The following TPRG1 variants were observed in gnomAD, a reference collection of about 807,000 sequenced individuals.
The protein encoded by TPRG1 is tumor protein p63 regulated 1.
In TPRG1, 29 loss-of-function variants were observed where a neutral mutation model predicts 29.3. The observed-to-expected ratio is 0.99, with a 90% confidence interval of 0.74 to 1.35. The LOEUF (loss-of-function observed/expected upper bound fraction) is 1.35. Ranked by LOEUF, TPRG1 falls within the 40% of genes most tolerant of loss-of-function variation. TPRG1 has a pLI of 0.00. For missense variants in TPRG1, 327 were observed against 335.0 expected, an observed-to-expected ratio of 0.98 and a Z score of 0.19; for synonymous variants, 130 against 116.8, an observed-to-expected ratio of 1.11 and a Z score of -0.73.
rs570181032 is a variant in TPRG1, at chr3:189,322,250, G to C, written c.*1430G>C. On this transcript the variant is annotated 3_prime_UTR_variant, in exon 6 of 6. Coordinates refer to ENST00000345063, the MANE Select transcript of TPRG1 (RefSeq NM_198485.4). ...AAGTTTAAAGTCTTTTCTTTGAAAA[G>C]CTTGCTTCCTCAATTTCAAAGATTT... The C allele has an allele frequency of 1.3e-5, 2 of 152,148 alleles. No homozygotes were observed. The highest frequency in any genetic ancestry group is 4.2e-4 in the South Asian group (2 of 4,818). The allele number at this position is 152,148 out of a possible 1,614,324, so 9.4% of individuals were successfully genotyped here.
At chr3:189,155,709 T>C (rs1726577760) in intron 5 of TPRG1, among the ~76,000 whole-genome samples, 2 of 152,172 alleles carry the variant, frequency 1.3e-5, no homozygotes, top group Non-Finnish European at 2.9e-5. Flanking sequence ...ACAGAGGACA[T>C]TATGCTAAGT....
intron 4 of TPRG1, among the ~76,000 whole-genome samples, chr3:189,248,519 A>G (rs1185431535): frequency 4.0e-5 from 6 of 150,902 alleles, no homozygotes; most frequent in African/African-American, 1.5e-4. Context: ...TATATCTTGC[A>G]TTTTATAACT....
At chr3:189,280,679 A>G (rs1716978300) in intron 4 of TPRG1, among the ~76,000 whole-genome samples, 1 of 152,180 alleles carries the variant, frequency 6.6e-6, no homozygotes, top group African/African-American at 2.4e-5. Context: ...GGACTCGAAG[A>G]CAGATAGCCT....
At chr3:189,028,616 A>C (rs1713782679) in intron 4 of TPRG1, among the ~76,000 whole-genome samples, 1 of 152,112 alleles carries the variant, frequency 6.6e-6, no homozygotes, top group African/African-American at 2.4e-5. Flanking sequence ...AGGGTTTGTA[A>C]TTACCTGCCC....
intron 5 of TPRG1, among the ~76,000 whole-genome samples, chr3:189,159,781 C>G (rs755918991): frequency 2.6e-5 from 4 of 151,592 alleles, no homozygotes; most frequent in Admixed American, 2.0e-4. Flanking sequence ...CAGATTCATA[C>G]GCACAGTCCT....
At position 189,228,992 on chromosome 3, in the gene TPRG1, A is replaced by G. The variant is rs187278456; in HGVS notation, c.303-9741A>G. ...TACTAGCAATAAAGAAGTAAAAGCT[A>G]AAATTAAAAATGCAATAACACTTGT... On this transcript the variant is annotated intron_variant, in intron 3 of 5. Coordinates refer to ENST00000345063, the MANE Select transcript of TPRG1 (RefSeq NM_198485.4). 3.2e-3 allele frequency among the ~76,000 whole-genome samples: 486 copies of G among 152,350 alleles called. 4 individuals are homozygous for G. The highest frequency in any genetic ancestry group is 0.011 in the African/African-American group (465 of 41,580).
At chr3:189,059,953 C>T (rs190452803) in intron 4 of TPRG1, among the ~76,000 whole-genome samples, 31 of 152,338 alleles carry the variant, frequency 2.0e-4, no homozygotes, top group Non-Finnish European at 2.8e-4. Context: ...AAACTCTTGG[C>T]TGAGTGTGGT....
At chr3:189,238,693 CTG>C (rs768588351) in intron 3 of TPRG1, 38 bp from the exon 4 acceptor site, 16 of 1,526,456 alleles carry the variant, frequency 1.0e-5, no homozygotes, top group Non-Finnish European at 1.4e-5. Flanking sequence ...TTAACTTAGG[CTG>C]TGTCATCAAT....
chr3:189,041,108 A>G (rs1437352063), intron 4 of TPRG1, among the ~76,000 whole-genome samples: 1 of 151,846 alleles, frequency 6.6e-6, no homozygotes, highest in Non-Finnish European at 1.5e-5. Flanking sequence ...GAATCAGGGA[A>G]CCCCTGAGCC....
At chr3:189,034,694 T>C (rs1175749384) in intron 4 of TPRG1, among the ~76,000 whole-genome samples, 1 of 152,088 alleles carries the variant, frequency 6.6e-6, no homozygotes, top group Non-Finnish European at 1.5e-5. Context: ...TAAATACCTC[T>C]AAAAGAATAA....
intron 4 of TPRG1, among the ~76,000 whole-genome samples, chr3:189,075,465 G>A (rs549986265): frequency 6.6e-6 from 1 of 152,256 alleles, no homozygotes; most frequent in Non-Finnish European, 1.5e-5. Context: ...TTCATTGGTT[G>A]TCTTTCCTCA....
chr3:189,124,025 A>G (rs1722138476), intron 1 of TPRG1, among the ~76,000 whole-genome samples: 1 of 152,194 alleles, frequency 6.6e-6, no homozygotes. Flanking sequence ...TCTTGTCTTT[A>G]CTTCGTTGTA....
chr3:189,154,959 T>A (rs1358687690), intron 5 of TPRG1, among the ~76,000 whole-genome samples: 1 of 152,156 alleles, frequency 6.6e-6, no homozygotes, highest in Non-Finnish European at 1.5e-5. Flanking sequence ...AACAGTGACA[T>A]TTGAGCAAAG....
chr3:189,248,158 A>T (rs1298589194), intron 4 of TPRG1, among the ~76,000 whole-genome samples: 2 of 151,886 alleles, frequency 1.3e-5, no homozygotes, highest in Non-Finnish European at 2.9e-5. Flanking sequence ...TAAACACTAC[A>T]ACTTTCTCAA....
Position 189,241,581 on chromosome 3 carries a change from A to C in TPRG1, c.479+2672A>C, listed in dbSNP as rs544090574. On this transcript the variant is annotated intron_variant, in intron 4 of 5. Transcript: ENST00000345063. ...TTTTAACATTATTATGCTATTTTTC[A>C]TGACCTTTAGTTTTGGGGTATTGAT... Among the ~76,000 whole-genome samples the C allele has an allele frequency of 5.3e-5, 8 of 151,904 alleles. No individual in the cohort carries two copies. In the South Asian group the frequency reaches 1.2e-3, roughly 24 times the overall value.
intron 1 of TPRG1, among the ~76,000 whole-genome samples, chr3:189,000,047 AAAT>A (rs1388439358): frequency 1.3e-5 from 2 of 152,162 alleles, no homozygotes; most frequent in Non-Finnish European, 2.9e-5. Flanking sequence ...ATAAAAAAGA[AAAT>A]AACACATTTA....
chr3:189,206,053 G>T (rs1365251018), intron 1 of TPRG1, among the ~76,000 whole-genome samples: 928 of 40,700 alleles, frequency 0.023, 3 homozygotes, highest in Non-Finnish European at 0.033. Flanking sequence ...CCTTTCTTCT[G>T]TCTTTCTTTC....
intron 4 of TPRG1, among the ~76,000 whole-genome samples, chr3:189,069,003 A>G (rs1027798504): frequency 2.0e-5 from 3 of 152,212 alleles, no homozygotes; most frequent in Non-Finnish European, 4.4e-5. Context: ...CCAGATGGGC[A>G]TTTATTCAGA....
At chr3:189,244,443 T>C (rs542044324) in intron 4 of TPRG1, among the ~76,000 whole-genome samples, 71 of 151,076 alleles carry the variant, frequency 4.7e-4, no homozygotes, top group African/African-American at 1.6e-3. Flanking sequence ...AAAAAAGAGG[T>C]TTAATTGGTT....
Sources: allele counts gnomAD v4.1 joint callset (sites outside exome capture counted in the v4.1 genomes callset), GRCh38; gene constraint gnomAD v4.1.1; transcripts MANE v1.5; gene names NCBI Gene and HGNC (gene_info 2026-07-23, HGNC 2026-07-21).